The following MDGA2 variants were observed in gnomAD, a reference collection of about 807,000 sequenced individuals.
The protein encoded by MDGA2 is MAM domain containing glycosylphosphatidylinositol anchor 2, also known as MAM domain-containing glycosylphosphatidylinositol anchor protein 2.
A neutral mutation model predicts 117.8 loss-of-function variants in MDGA2; 40 were observed. The ratio of observed to expected loss-of-function variants is 0.34; its 90% CI spans 0.26 to 0.44. MDGA2 has a LOEUF of 0.44. MDGA2 is among the 20% of genes least tolerant of loss of function. The probability of loss-of-function intolerance (pLI) is 1.00; values close to 1 mark genes in which losing one functional copy is unlikely to be tolerated. For synonymous variants in MDGA2, 452 were observed against 439.0 expected (o/e 1.03, Z -0.37); for missense variants, 1,123 against 1,250.6 (o/e 0.90, Z 1.54).
rs185322154 is a variant in MDGA2, at chr14:46,997,465, C to T, written c.1819+37546G>A. 1.4e-4 allele frequency among the ~76,000 whole-genome samples: 22 copies of T among 152,166 alleles called. 1 individual carries two copies. Among genetic ancestry groups the T allele is most frequent in the African/African-American group, 4.8e-4 (20 of 41,542 alleles). ...ATCAGGTTAGATGGAAGAAAAGTGC[C>T]ACCAACAGAGGTAAGCAGTATTACT... On this transcript the variant is annotated intron_variant, in intron 8 of 16. Coordinates refer to ENST00000399232, the MANE Select transcript of MDGA2 (RefSeq NM_001113498.3).
chr14:47,065,409 A>G lies in MDGA2; in HGVS notation c.1196-3831T>C, dbSNP rs555277605. Among the ~76,000 whole-genome samples the G allele has an allele frequency of 4.6e-5, 7 of 152,236 alleles. No homozygotes were observed. In the East Asian group the frequency reaches 1.4e-3, roughly 29 times the overall value. ...GTAGGGTTTGTTGCTCACCTTCCCT[A>G]GAAATAAGAGTCCATGCCTGTGAAT... is the stretch of plus-strand genomic sequence containing the variant. On this transcript the variant is annotated intron_variant, in intron 6 of 16. Coordinates refer to ENST00000399232, the MANE Select transcript of MDGA2 (RefSeq NM_001113498.3).
At chr14:46,873,648 T>C in intron 13 of MDGA2, 57 bp from the exon 14 acceptor site, 1 of 1,459,516 alleles carries the variant, frequency 6.9e-7, no homozygotes, top group Non-Finnish European at 9.3e-7. Context: ...TAATGAAATT[T>C]CAAATCACTG....
At chr14:47,526,144 A>G (rs1894968891) in intron 1 of MDGA2, among the ~76,000 whole-genome samples, 1 of 152,002 alleles carries the variant, frequency 6.6e-6, no homozygotes, top group Admixed American at 6.6e-5. Flanking sequence ...CTTTTTCTCT[A>G]TTTCTTGAAA....
chr14:46,853,931 T>A (rs1481447849), intron 15 of MDGA2, among the ~76,000 whole-genome samples: 1 of 151,828 alleles, frequency 6.6e-6, no homozygotes, highest in East Asian at 1.9e-4. Context: ...ATTGTATTGA[T>A]CTTCATAGAA....
intron 1 of MDGA2, among the ~76,000 whole-genome samples, chr14:47,497,049 C>T (rs541451302): frequency 6.6e-6 from 1 of 152,176 alleles, no homozygotes; most frequent in African/African-American, 2.4e-5. Flanking sequence ...TGCTCACTCA[C>T]ACGCTGCTCA....
chr14:47,569,606 T>C (rs1489091812), intron 1 of MDGA2, among the ~76,000 whole-genome samples: 1 of 152,198 alleles, frequency 6.6e-6, no homozygotes, highest in African/African-American at 2.4e-5. Flanking sequence ...GTCCTGATGC[T>C]ATGGTTCAGT....
chr14:47,359,450 A>C (rs1891066011), intron 1 of MDGA2, among the ~76,000 whole-genome samples: 1 of 152,188 alleles, frequency 6.6e-6, no homozygotes, highest in Non-Finnish European at 1.5e-5. Flanking sequence ...ACCAACACAC[A>C]GACTAACACA....
intron 2 of MDGA2, among the ~76,000 whole-genome samples, chr14:47,237,554 C>T (rs191983287): frequency 1.3e-5 from 2 of 152,278 alleles, no homozygotes; most frequent in East Asian, 1.9e-4. Flanking sequence ...CAGATTGTCA[C>T]TTAGCTGCAC....
intron 1 of MDGA2, among the ~76,000 whole-genome samples, chr14:47,339,128 T>C (rs1334057321): frequency 6.6e-6 from 1 of 152,118 alleles, no homozygotes; most frequent in Non-Finnish European, 1.5e-5. Flanking sequence ...CATGTCTTCA[T>C]TTATAATCAT....
intron 10 of MDGA2, among the ~76,000 whole-genome samples, chr14:46,885,899 C>T (rs1882654606): frequency 6.6e-6 from 1 of 152,120 alleles, no homozygotes; most frequent in Admixed American, 6.6e-5. Context: ...GTCTTTATAA[C>T]TGATAGTAAC....
intron 1 of MDGA2, among the ~76,000 whole-genome samples, chr14:47,364,790 G>A (rs568712187): frequency 6.6e-6 from 1 of 152,318 alleles, no homozygotes; most frequent in African/African-American, 2.4e-5. Flanking sequence ...TTTCCACTGA[G>A]GGAATTTGTC....
intron 2 of MDGA2, among the ~76,000 whole-genome samples, chr14:47,249,171 C>G (rs1791186676): frequency 6.6e-6 from 1 of 151,950 alleles, no homozygotes; most frequent in African/African-American, 2.4e-5. Flanking sequence ...GCACGCACCA[C>G]CATGCCCAGC....
chr14:47,666,340 T>C (rs886758049), intron 1 of MDGA2, among the ~76,000 whole-genome samples: 1 of 145,394 alleles, frequency 6.9e-6, no homozygotes, highest in Non-Finnish European at 1.6e-5. Context: ...GCTCTGTGTC[T>C]AGCTGATCTG....
intron 4 of MDGA2, among the ~76,000 whole-genome samples, chr14:47,134,910 C>T (rs953198833): frequency 6.6e-6 from 1 of 151,668 alleles, no homozygotes; most frequent in Non-Finnish European, 1.5e-5. Flanking sequence ...CAGATATAAA[C>T]AAATAATGAA....
chr14:46,872,106 C>T (rs1041444026), intron 14 of MDGA2: 1 of 153,046 alleles, frequency 6.5e-6, no homozygotes, highest in Non-Finnish European at 1.5e-5. Flanking sequence ...CAACCATTTA[C>T]TTGGCAGTTC....
chr14:47,335,593 C>T (rs1439769587), intron 1 of MDGA2, among the ~76,000 whole-genome samples: 1 of 150,918 alleles, frequency 6.6e-6, no homozygotes, highest in Admixed American at 6.6e-5. Flanking sequence ...TGTGTTTACA[C>T]TGAGTAAGGT....
At chr14:47,326,505 T>C (rs1890147417) in intron 1 of MDGA2, among the ~76,000 whole-genome samples, 1 of 152,094 alleles carries the variant, frequency 6.6e-6, no homozygotes, top group Admixed American at 6.6e-5. Context: ...TAGTACAACT[T>C]TCCTCCTACT....
chr14:47,066,492 A>G (rs952214184), intron 6 of MDGA2, among the ~76,000 whole-genome samples: 3 of 152,206 alleles, frequency 2.0e-5, no homozygotes, highest in African/African-American at 7.2e-5. Flanking sequence ...TGATGAACAA[A>G]CAGCATCAAC....
At chr14:46,951,382 G>T (rs1176513472) in intron 9 of MDGA2, among the ~76,000 whole-genome samples, 2 of 151,920 alleles carry the variant, frequency 1.3e-5, no homozygotes, top group African/African-American at 4.8e-5. Flanking sequence ...ATATATTTGT[G>T]TAATTCCTTC....
Sources: gnomAD v4.1 joint callset for allele counts (sites outside exome capture counted in the v4.1 genomes callset) on GRCh38, gnomAD v4.1.1 for gene constraint, MANE v1.5 for transcripts, NCBI Gene and HGNC (gene_info 2026-07-23, HGNC 2026-07-21) for gene names.